The following PPP2CA variants were observed in gnomAD, a reference collection of about 807,000 sequenced individuals.
PPP2CA encodes the protein protein phosphatase 2 catalytic subunit alpha, also known as serine/threonine-protein phosphatase 2A catalytic subunit alpha isoform.
In PPP2CA, 5 loss-of-function variants were observed where a neutral mutation model predicts 38.8. The observed-to-expected ratio is 0.13, with a 90% CI of 0.07 to 0.27. The LOEUF is 0.27. Ranked by LOEUF, PPP2CA falls within the 10% of genes least tolerant of loss-of-function variation. PPP2CA has a pLI of 1.00. For synonymous variants in PPP2CA, 152 were observed against 134.0 expected, an observed-to-expected ratio of 1.13 and a Z score of -0.93; for missense variants, 88 against 389.7, an observed-to-expected ratio of 0.23 and a Z score of 6.52.
At chr5:134,213,954 C>T (rs926470732) in intron 1 of PPP2CA, among the ~76,000 whole-genome samples, 2 of 152,078 alleles carry the variant, frequency 1.3e-5, no homozygotes, top group African/African-American at 2.4e-5. Context: ...CACGGTAAAA[C>T]CCCATCTCTA....
In PPP2CA at chr5:134,208,712, CATT is replaced by C. The variant is rs555021346; in HGVS notation, c.103-2584_103-2582del. ...TGAATAGCTATCATTTTCACACCATCATTAAGTCGAAAAATTGGGGAGTGTCTG... is the reference window on the plus strand; with the variant it reads ...TGAATAGCTATCATTTTCACACCATCAAGTCGAAAAATTGGGGAGTGTCTG... On this transcript the variant is annotated intron_variant, in intron 1 of 6. Coordinates refer to ENST00000481195, the MANE Select transcript of PPP2CA (RefSeq NM_002715.4). Among the ~76,000 whole-genome samples, 414 of 152,282 alleles carry C rather than the reference CATT, an allele frequency of 2.7e-3. 4 individuals carry two copies. Among genetic ancestry groups the C allele is most frequent in the African/African-American group, 9.5e-3 (394 of 41,556 alleles).
intron 1 of PPP2CA, chr5:134,225,468 A>T: frequency 2.8e-6 from 1 of 353,414 alleles, no homozygotes; most frequent in Non-Finnish European, 5.2e-6. Flanking sequence ...ACGATGACCC[A>T]CAGGGTCTCC....
At chr5:134,206,356 GTTT>G (rs955783087) in intron 1 of PPP2CA, among the ~76,000 whole-genome samples, 1 of 152,090 alleles carries the variant, frequency 6.6e-6, no homozygotes, top group African/African-American at 2.4e-5. Flanking sequence ...AATACCAGGA[GTTT>G]TTTAAAAACC....
At chr5:134,197,986 G>A in intron 6 of PPP2CA, 142 bp from the exon 7 acceptor site, 2 of 697,900 alleles carry the variant, frequency 2.9e-6, no homozygotes, top group South Asian at 3.3e-5. Context: ...TAATGATAAT[G>A]GTCTGTTAAC....
chr5:134,208,711 T>C (rs899970050), intron 1 of PPP2CA, among the ~76,000 whole-genome samples: 1 of 152,154 alleles, frequency 6.6e-6, no homozygotes, highest in Non-Finnish European at 1.5e-5. Context: ...TTTCACACCA[T>C]CATTAAGTCG....
intron 2 of PPP2CA, 116 bp downstream of exon 2, chr5:134,205,806 C>G: frequency 2.3e-6 from 2 of 884,284 alleles, no homozygotes; most frequent in Non-Finnish European, 3.5e-6. Flanking sequence ...CATATGCATT[C>G]CTAAATGTGG....
rs747617155 is a variant in PPP2CA at position 134,197,859 on chromosome 5, C to T, written c.858-15G>A. ...CAAACTGCAAGCTGAAAAACAAGAC[C>T]GATTCATGGTTTATGTTCCACGACC... On this transcript the variant is annotated splice_polypyrimidine_tract_variant and intron_variant, in intron 6 of 6. Transcript: ENST00000481195. The T allele has an allele frequency of 9.9e-6, 16 of 1,612,040 alleles. No homozygotes were observed. Among genetic ancestry groups the T allele is most frequent in the East Asian group, 2.2e-5 (1 of 44,886 alleles).
chr5:134,213,907 T>C (rs1031078640), intron 1 of PPP2CA, among the ~76,000 whole-genome samples: 6 of 152,138 alleles, frequency 3.9e-5, no homozygotes, highest in African/African-American at 1.4e-4. Flanking sequence ...AGCAGGTGGA[T>C]GACTTTAGGT....
intron 3 of PPP2CA, 61 bp downstream of exon 3, chr5:134,201,787 C>T (rs894323252): frequency 4.0e-5 from 62 of 1,540,710 alleles, no homozygotes; most frequent in Non-Finnish European, 4.9e-5. Context: ...TCATAAGCAC[C>T]TGAACACTAA....
Position 134,196,829 on chromosome 5 carries a change from TTCC to T in PPP2CA, c.*940_*942del, listed in dbSNP as rs962238192. On this transcript the variant is annotated 3_prime_UTR_variant, in exon 7 of 7. Transcript: ENST00000481195. ...TAAGTCTTACTGAAGCAGCACAGAT[TTCC>T]TTTCTTACAAACAAGTTAATATGCA... 2.4e-4 allele frequency: 36 copies of T among 152,430 alleles called. No homozygotes were observed. The highest frequency in any genetic ancestry group is 8.4e-4 in the African/African-American group (35 of 41,450). The allele number at this position is 152,430 out of a possible 1,614,324, so 9.4% of individuals were successfully genotyped here.
intron 1 of PPP2CA, among the ~76,000 whole-genome samples, chr5:134,217,767 T>C (rs1225786690): frequency 6.6e-6 from 1 of 152,244 alleles, no homozygotes; most frequent in Non-Finnish European, 1.5e-5. Flanking sequence ...ATACTAATCA[T>C]GTGTTGCTTA....
At chr5:134,210,743 G>T (rs1483701153) in intron 1 of PPP2CA, among the ~76,000 whole-genome samples, 1 of 152,052 alleles carries the variant, frequency 6.6e-6, no homozygotes, top group Non-Finnish European at 1.5e-5. Flanking sequence ...TGAGGCAGGG[G>T]CATCACTTGA....
Position 134,225,984 on chromosome 5 carries a change from G to C in PPP2CA, c.-123C>G, listed in dbSNP as rs1487504146. 2 of 808,674 alleles carry C rather than the reference G, an allele frequency of 2.5e-6. No individual in the cohort carries two copies. The highest frequency in any genetic ancestry group is 3.6e-5 in the African/African-American group (2 of 55,802). The allele number at this position is 808,674 out of a possible 1,614,324, so 50.1% of individuals were successfully genotyped here. ...ACTTCTGGCGGCTGTTGAGGCTGGC[G>C]CTGGCCCGCTGGCTCTCACCGCAGT... On this transcript the variant is annotated 5_prime_UTR_variant, in exon 1 of 7. Transcript: ENST00000481195.
chr5:134,201,486 G>GT (rs1761965300), intron 3 of PPP2CA, among the ~76,000 whole-genome samples: 1 of 152,166 alleles, frequency 6.6e-6, no homozygotes, highest in Admixed American at 6.5e-5. Flanking sequence ...CCAGAGACTA[G>GT]TATCTTCATA....
intron 3 of PPP2CA, 95 bp from the exon 4 acceptor site, chr5:134,201,169 T>TG: frequency 1.1e-6 from 1 of 938,774 alleles, no homozygotes; most frequent in Non-Finnish European, 1.7e-6. Flanking sequence ...CCCAGCACTT[T>TG]GGGAAGCTGA....
chr5:134,203,033 A>G (rs1004437742), intron 2 of PPP2CA, among the ~76,000 whole-genome samples: 8 of 152,284 alleles, frequency 5.3e-5, no homozygotes, highest in South Asian at 2.1e-4. Flanking sequence ...CTTGGGTAAA[A>G]TATCTATTCA....
At chr5:134,213,331 G>T (rs1193672550) in intron 1 of PPP2CA, among the ~76,000 whole-genome samples, 2 of 151,522 alleles carry the variant, frequency 1.3e-5, no homozygotes, top group Non-Finnish European at 2.9e-5. Context: ...TCTAGAAATG[G>T]AACAACAAAG....
At chr5:134,222,655 A>C (rs1490948520) in intron 1 of PPP2CA, among the ~76,000 whole-genome samples, 2 of 152,224 alleles carry the variant, frequency 1.3e-5, no homozygotes, top group African/African-American at 4.8e-5. Context: ...AAGATTGTTT[A>C]CTGTAGTCAA....
At chr5:134,210,523 A>G (rs537352103) in intron 1 of PPP2CA, among the ~76,000 whole-genome samples, 2 of 152,184 alleles carry the variant, frequency 1.3e-5, no homozygotes, top group South Asian at 2.1e-4. Flanking sequence ...AACATCTGGG[A>G]AAAAAATTAA....
Sources: gnomAD v4.1 joint callset for allele counts (sites outside exome capture counted in the v4.1 genomes callset) on GRCh38, gnomAD v4.1.1 for gene constraint, MANE v1.5 for transcripts, NCBI Gene and HGNC (gene_info 2026-07-23, HGNC 2026-07-21) for gene names.